The following ENTREP2 variants were observed in gnomAD, a reference collection of about 807,000 sequenced individuals.
ENTREP2 encodes protein ENTREP2.
chr15:29,260,350 C>T, the ENTREP2 span, among the ~76,000 whole-genome samples: 1 of 152,120 alleles, frequency 6.6e-6, no homozygotes, highest in South Asian at 2.1e-4. Context: ...AAGATTAAAT[C>T]ATACAAAGTA....
At chr15:29,622,842 G>A in the ENTREP2 span, among the ~76,000 whole-genome samples, 10 of 152,316 alleles carry the variant, frequency 6.6e-5, no homozygotes, top group East Asian at 3.9e-4. Context: ...CGAGGTGGCC[G>A]TGGAGATGAA....
At chr15:29,371,180 T>TGTGCTTGGGAG in the ENTREP2 span, among the ~76,000 whole-genome samples, 1 of 152,062 alleles carries the variant, frequency 6.6e-6, no homozygotes, top group East Asian at 1.9e-4. Flanking sequence ...GCTCAGCTCT[T>TGTGCTTGGGAG]CCCTCTTGAG....
At chr15:29,370,277 A>G in the ENTREP2 span, among the ~76,000 whole-genome samples, 1 of 152,196 alleles carries the variant, frequency 6.6e-6, no homozygotes, top group African/African-American at 2.4e-5. Context: ...AAAAGTAGAA[A>G]ATAATATACT....
the ENTREP2 span, among the ~76,000 whole-genome samples, chr15:29,144,452 C>T: frequency 9.2e-5 from 14 of 152,202 alleles, no homozygotes; most frequent in African/African-American, 2.4e-4. Context: ...AGAAGGGCCG[C>T]GCATGGTAGC....
At chr15:29,224,528 A>T in the ENTREP2 span, among the ~76,000 whole-genome samples, 1 of 151,912 alleles carries the variant, frequency 6.6e-6, no homozygotes, top group African/African-American at 2.4e-5. Context: ...CTTTGACAGG[A>T]TGCTGATTGG....
the ENTREP2 span, chr15:29,375,116 T>G: frequency 6.6e-6 from 1 of 152,222 alleles, no homozygotes. Context: ...TCTGATTCCT[T>G]TGGATCTTGC....
At chr15:29,266,181 G>C in the ENTREP2 span, 1 of 152,206 alleles carries the variant, frequency 6.6e-6, no homozygotes, top group African/African-American at 2.4e-5. Context: ...GAGAGCAAAA[G>C]ATAGGCAGAT....
chr15:29,257,066 ATTT>A, the ENTREP2 span, among the ~76,000 whole-genome samples: 1 of 149,922 alleles, frequency 6.7e-6, no homozygotes, highest in African/African-American at 2.4e-5. Context: ...TTATTTATTT[ATTT>A]ATTTATTTAT....
At chr15:29,204,525 G>C in the ENTREP2 span, among the ~76,000 whole-genome samples, 3 of 152,142 alleles carry the variant, frequency 2.0e-5, no homozygotes, top group African/African-American at 7.2e-5. Context: ...CTGTTTCGAG[G>C]AGGAAGGAGG....
chr15:29,651,627 G>C, the ENTREP2 span, among the ~76,000 whole-genome samples: 1 of 152,202 alleles, frequency 6.6e-6, no homozygotes, highest in African/African-American at 2.4e-5. Flanking sequence ...TCTGCTGCCT[G>C]GCCTCTTCCC....
the ENTREP2 span, among the ~76,000 whole-genome samples, chr15:29,584,760 G>C: frequency 6.6e-6 from 1 of 152,114 alleles, no homozygotes; most frequent in East Asian, 1.9e-4. Flanking sequence ...GCTGATTATT[G>C]TTAATAACAC....
chr15:29,207,067 C>G, the ENTREP2 span, among the ~76,000 whole-genome samples: 2 of 152,164 alleles, frequency 1.3e-5, no homozygotes, highest in African/African-American at 4.8e-5. Flanking sequence ...CGCCAAGCAG[C>G]TCCTGCAGCA....
chr15:29,424,843 A>G, the ENTREP2 span, among the ~76,000 whole-genome samples: 11 of 152,194 alleles, frequency 7.2e-5, no homozygotes, highest in Non-Finnish European at 1.6e-4. Flanking sequence ...CTGCAGGCAC[A>G]AGACCAGCAA....
At chr15:29,642,033 A>G in the ENTREP2 span, among the ~76,000 whole-genome samples, 1 of 152,174 alleles carries the variant, frequency 6.6e-6, no homozygotes, top group Non-Finnish European at 1.5e-5. Context: ...CAAAGACTTA[A>G]TAATGTTAAC....
chr15:29,347,197 C>A, the ENTREP2 span, among the ~76,000 whole-genome samples: 2 of 151,956 alleles, frequency 1.3e-5, no homozygotes, highest in Non-Finnish European at 1.5e-5. Flanking sequence ...TTTTTTGAGA[C>A]AAGATCTTGC....
chr15:29,132,107 T>C, the ENTREP2 span, among the ~76,000 whole-genome samples: 6,225 of 152,178 alleles, frequency 0.041, 437 homozygotes, highest in African/African-American at 0.14. Flanking sequence ...TTCTGCAGCC[T>C]CCTCTCTTTA....
At chr15:29,147,602 A>C in the ENTREP2 span, among the ~76,000 whole-genome samples, 1 of 152,226 alleles carries the variant, frequency 6.6e-6, no homozygotes, top group East Asian at 1.9e-4. Flanking sequence ...ACCACAATGA[A>C]ATACCACTTC....
At chr15:29,235,797 C>T in the ENTREP2 span, among the ~76,000 whole-genome samples, 7 of 152,066 alleles carry the variant, frequency 4.6e-5, no homozygotes, top group Admixed American at 1.3e-4. Context: ...AACCCTGTCT[C>T]TACCAAAAAT....
At chr15:29,621,967 A>G in the ENTREP2 span, among the ~76,000 whole-genome samples, 1 of 152,212 alleles carries the variant, frequency 6.6e-6, no homozygotes, top group African/African-American at 2.4e-5. Flanking sequence ...TAATCACAAA[A>G]GAACAAATAC....
Sources: allele counts gnomAD v4.1 joint callset (sites outside exome capture counted in the v4.1 genomes callset), GRCh38; gene constraint gnomAD v4.1.1; transcripts MANE v1.5; gene names NCBI Gene and HGNC (gene_info 2026-07-23, HGNC 2026-07-21).